DENND1B: variants seen among roughly 807,000 people sequenced by gnomAD.
The protein encoded by DENND1B is DENN domain-containing protein 1B.
In DENND1B, 59 loss-of-function variants were observed where a neutral mutation model predicts 90.1. The ratio of observed to expected loss-of-function variants is 0.65; its 90% confidence interval spans 0.53 to 0.81. DENND1B has a LOEUF of 0.81. Ranked by LOEUF, DENND1B falls within the 40% of genes least tolerant of loss-of-function variation. The pLI is 0.00. For missense variants in DENND1B, 862 were observed against 912.6 expected (o/e 0.94, Z 0.71); for synonymous variants, 337 against 324.6 (o/e 1.04, Z -0.41).
At chr1:197,716,297 T>C (rs1053613303) in intron 2 of DENND1B, among the ~76,000 whole-genome samples, 4 of 151,772 alleles carry the variant, frequency 2.6e-5, no homozygotes, top group Admixed American at 2.6e-4. Flanking sequence ...TTTCGACAAT[T>C]AAACTTTTTA....
At chr1:197,604,548 T>G (rs1405955264) in intron 13 of DENND1B, among the ~76,000 whole-genome samples, 1 of 151,130 alleles carries the variant, frequency 6.6e-6, no homozygotes, top group African/African-American at 2.4e-5. Flanking sequence ...AGACCACTGG[T>G]CAATCTGACA....
At chr1:197,768,139 C>G (rs560414358) in intron 2 of DENND1B, among the ~76,000 whole-genome samples, 1 of 152,128 alleles carries the variant, frequency 6.6e-6, no homozygotes, top group Admixed American at 6.6e-5. Context: ...TGCTGCTGCT[C>G]CTCCACCTCC....
chr1:197,767,034 TC>T (rs1490736468), intron 2 of DENND1B, among the ~76,000 whole-genome samples: 3 of 152,054 alleles, frequency 2.0e-5, no homozygotes, highest in African/African-American at 7.2e-5. Context: ...CCTCAAATGA[TC>T]TACCTGCCTC....
In DENND1B at chr1:197,742,034, C is replaced by T. The variant is rs150918343; in HGVS notation, c.83-26960G>A. Among the ~76,000 whole-genome samples the T allele has an allele frequency of 1.0e-3, 159 of 152,074 alleles. 1 individual carries two copies. The highest frequency in any genetic ancestry group is 3.7e-3 in the African/African-American group (155 of 41,498). ...AATATATGTAAAATCCCTTTCAATC[C>T]GTAAATTAGTACACAAATTTACATT... On this transcript the variant is annotated intron_variant, in intron 2 of 22. Coordinates refer to ENST00000620048, the MANE Select transcript of DENND1B (RefSeq NM_001195215.2).
intron 12 of DENND1B, among the ~76,000 whole-genome samples, chr1:197,610,307 T>G (rs1677064875): frequency 6.6e-6 from 1 of 150,650 alleles, no homozygotes; most frequent in Non-Finnish European, 1.5e-5. Flanking sequence ...ATTCTTAAAT[T>G]TGCTACTTAA....
chr1:197,660,200 A>C (rs1211806707), intron 5 of DENND1B, among the ~76,000 whole-genome samples: 1 of 151,986 alleles, frequency 6.6e-6, no homozygotes, highest in African/African-American at 2.4e-5. Flanking sequence ...ACTAGAATAA[A>C]AAGATAAACA....
chr1:197,673,023 G>C (rs1026663113), intron 4 of DENND1B, among the ~76,000 whole-genome samples: 2 of 151,986 alleles, frequency 1.3e-5, no homozygotes, highest in African/African-American at 4.8e-5. Context: ...TAGGGATTGT[G>C]CAGAAGGAAA....
At chr1:197,780,435 C>G (rs1308411699), upstream of DENND1B, among the ~76,000 whole-genome samples, 1 of 151,452 alleles carries the variant, frequency 6.6e-6, no homozygotes, top group Non-Finnish European at 1.5e-5. Context: ...AAGCAATTCT[C>G]CTGCCTCAGC....
rs542756490 is a variant in DENND1B, at chr1:197,645,808, T to C, written c.508-65A>G. 8.0e-6 allele frequency: 9 copies of C among 1,126,486 alleles called. No homozygotes were observed. The South Asian group carries it at 8.7e-5, about 11-fold the overall frequency. 69.8% of individuals were successfully genotyped at this position (1,126,486 alleles called of 1,614,324 possible). A position where few individuals can be genotyped will look rare whatever the true frequency, so the allele number is the denominator to read the frequency against. ...AAAACTGGTAACATATAATTTGTAATGAAAATCAGAAAAAAATATATTGAG... is the reference window on the plus strand; with the variant it reads ...AAAACTGGTAACATATAATTTGTAACGAAAATCAGAAAAAAATATATTGAG... On this transcript the variant is annotated intron_variant, in intron 8 of 22. Coordinates refer to ENST00000620048, the MANE Select transcript of DENND1B (RefSeq NM_001195215.2).
intron 2 of DENND1B, among the ~76,000 whole-genome samples, chr1:197,729,787 G>A (rs1314235026): frequency 1.3e-5 from 2 of 152,056 alleles, no homozygotes; most frequent in African/African-American, 4.8e-5. Context: ...AAGAACTTTT[G>A]TTTAGGTGAG....
At position 197,752,741 on chromosome 1, in the gene DENND1B, C is replaced by T. The variant is rs962193922; in HGVS notation, c.82+20127G>A. 2.0e-5 allele frequency among the ~76,000 whole-genome samples: 3 copies of T among 151,842 alleles called. 1 individual carries two copies. The highest frequency in any genetic ancestry group is 2.1e-4 in the South Asian group (1 of 4,806). ...ATGTGCCATATTGGTGTGCTGCACC[C>T]GTTAACTCATCATTTAGGTATATCA... On this transcript the variant is annotated intron_variant, in intron 2 of 22. Transcript: ENST00000620048.
At chr1:197,721,086 T>TG (rs1661130323) in intron 2 of DENND1B, among the ~76,000 whole-genome samples, 1 of 148,938 alleles carries the variant, frequency 6.7e-6, no homozygotes, top group East Asian at 2.0e-4. Context: ...TTTTTTTTTT[T>TG]TGAGACGGAG....
chr1:197,734,527 A>C (rs1406339431), intron 2 of DENND1B: 1 of 974,116 alleles, frequency 1.0e-6, no homozygotes, highest in Non-Finnish European at 1.2e-6. Context: ...AAAGGAATAC[A>C]CAAAAATAGA....
At chr1:197,687,981 T>C (rs567624415) in intron 3 of DENND1B, among the ~76,000 whole-genome samples, 21 of 152,172 alleles carry the variant, frequency 1.4e-4, no homozygotes, top group African/African-American at 4.6e-4. Flanking sequence ...TTGTAGGATA[T>C]AAAAATCAAC....
intron 1 of DENND1B, 44 bp downstream of exon 1, chr1:197,775,095 C>G (rs1657136892): frequency 1.6e-6 from 2 of 1,219,590 alleles, no homozygotes; most frequent in Middle Eastern, 6.3e-4. Context: ...GGAGGGGCCG[C>G]CGAGGGACGC....
At chr1:197,747,001 T>A in intron 2 of DENND1B, 1 of 914,864 alleles carries the variant, frequency 1.1e-6, no homozygotes, top group Non-Finnish European at 1.8e-6. Flanking sequence ...AAGGCCTGAT[T>A]TCTCAACATT....
chr1:197,536,095 A>T lies in DENND1B; in HGVS notation c.1515+3869T>A, dbSNP rs573113359. On this transcript the variant is annotated intron_variant, in intron 20 of 22. Coordinates refer to ENST00000620048, the MANE Select transcript of DENND1B (RefSeq NM_001195215.2). ...AAGGGACAGAGAGGGAGAGAGGAAA[A>T]GAGGGAGAGAGACGGAGGGAGGGAG... Among the ~76,000 whole-genome samples the T allele has an allele frequency of 6.7e-5, 10 of 149,344 alleles. No individual in the cohort carries two copies. In the East Asian group the frequency reaches 2.0e-3, roughly 30 times the overall value.
intron 2 of DENND1B, among the ~76,000 whole-genome samples, chr1:197,770,280 T>C (rs1354058095): frequency 6.6e-6 from 1 of 152,134 alleles, no homozygotes; most frequent in African/African-American, 2.4e-5. Context: ...AGATATAAAC[T>C]GTTAAAATAC....
Position 197,510,452 on chromosome 1 carries a change from T to C in DENND1B, c.*8A>G, listed in dbSNP as rs1417917883. 2 of 1,592,652 alleles carry C rather than the reference T, an allele frequency of 1.3e-6. No homozygotes were observed. The highest frequency in any genetic ancestry group is 1.1e-5 in the South Asian group (1 of 87,772). ...CAAAATGTCTCCATAGAAGCTTGGA[T>C]GCAAGATTTAAGTTTGGTTTCCATT... On this transcript the variant is annotated 3_prime_UTR_variant, in exon 23 of 23. Transcript: ENST00000620048.
Sources: allele counts gnomAD v4.1 joint callset (sites outside exome capture counted in the v4.1 genomes callset), GRCh38; gene constraint gnomAD v4.1.1; transcripts MANE v1.5; gene names NCBI Gene and HGNC (gene_info 2026-07-23, HGNC 2026-07-21).